The following RYR3 variants were observed in gnomAD, a reference collection of about 807,000 sequenced individuals.
RYR3 encodes the protein ryanodine receptor 3, also known as brain ryanodine receptor-calcium release channel.
A neutral mutation model predicts 584.3 loss-of-function variants in RYR3; 207 were observed. The ratio of observed to expected loss-of-function variants is 0.35; its 90% confidence interval spans 0.32 to 0.40. RYR3 has a LOEUF of 0.40. Among genes scored for constraint, RYR3 ranks in the 10% least tolerant of loss-of-function variants. RYR3 has a pLI of 1.00. For missense variants in RYR3, 5,616 were observed against 6,089.2 expected (o/e 0.92, Z 2.59); for synonymous variants, 2,416 against 2,248.5 (o/e 1.07, Z -2.11).
intron 1 of RYR3, among the ~76,000 whole-genome samples, chr15:33,339,121 G>T (rs1319285833): frequency 6.6e-6 from 1 of 152,192 alleles, no homozygotes; most frequent in Non-Finnish European, 1.5e-5. Context: ...AAAGGAAAAA[G>T]CGGACATTTT....
chr15:33,630,395 A>G (rs950098646), intron 22 of RYR3, among the ~76,000 whole-genome samples: 5 of 152,186 alleles, frequency 3.3e-5, no homozygotes, highest in Non-Finnish European at 7.4e-5. Flanking sequence ...ACTAAAATTC[A>G]ATTTTAAAAT....
At chr15:33,843,674 C>G in intron 92 of RYR3, 100 bp downstream of exon 92, 1 of 856,570 alleles carries the variant, frequency 1.2e-6, no homozygotes, top group Non-Finnish European at 1.8e-6. Context: ...TTAATTGTAG[C>G]AAACATTCTA....
intron 60 of RYR3, among the ~76,000 whole-genome samples, chr15:33,763,330 C>T (rs1396621249): frequency 6.6e-6 from 1 of 151,786 alleles, no homozygotes; most frequent in Non-Finnish European, 1.5e-5. Context: ...AGTGAACAGG[C>T]AACCTACAGA....
At chr15:33,843,831 A>G (rs778621857) in intron 92 of RYR3, among the ~76,000 whole-genome samples, 5 of 152,248 alleles carry the variant, frequency 3.3e-5, no homozygotes, top group Non-Finnish European at 7.3e-5. Context: ...ATACTTGCTG[A>G]GCATCTACCA....
At position 33,649,198 on chromosome 15, in the gene RYR3, G is replaced by C. The variant is rs1005825352; in HGVS notation, c.4105G>C (p.Val1369Leu). Residue 1369 changes from valine to leucine, a missense_variant, in exon 31 of 104, where the codon GTC (valine) becomes CTC (leucine). Around this residue, in one of 9 missense-constraint regions of RYR3, gnomAD observed 753 missense variants for 741.0 expected, o/e 1.02. Transcript: ENST00000634891. ...FDLNKNCTVTVTLGDERGRVH... is the reference protein window; with the variant it reads ...FDLNKNCTVTLTLGDERGRVH... ...CCTGAATAAAAACTGCACAGTGACT[G>C]TCACCCTAGGGGATGAAAGAGGCCG... The C allele has an allele frequency of 8.1e-6, 13 of 1,613,632 alleles. No homozygotes were observed. The highest frequency in any genetic ancestry group is 1.7e-4 in the Middle Eastern group (1 of 5,900).
intron 1 of RYR3, among the ~76,000 whole-genome samples, chr15:33,430,484 A>G (rs2045045242): frequency 6.6e-6 from 1 of 152,192 alleles, no homozygotes; most frequent in Non-Finnish European, 1.5e-5. Flanking sequence ...GGGTCAGCAG[A>G]AAGAATGTTA....
chr15:33,813,618 G>A (rs370526301), intron 74 of RYR3, 39 bp downstream of exon 74: 30 of 1,464,260 alleles, frequency 2.0e-5, no homozygotes, highest in Middle Eastern at 1.8e-4. Flanking sequence ...GTAAGCCAGC[G>A]ATGGGAATGG....
At chr15:33,496,521 T>C (rs1331692806) in intron 2 of RYR3, among the ~76,000 whole-genome samples, 2 of 152,074 alleles carry the variant, frequency 1.3e-5, no homozygotes, top group Non-Finnish European at 2.9e-5. Context: ...CTCTTTTTCT[T>C]TGAGGAGATG....
intron 12 of RYR3, among the ~76,000 whole-genome samples, chr15:33,570,137 AACTCTTT>A (rs1380952148): frequency 1.3e-5 from 2 of 152,108 alleles, no homozygotes; most frequent in Admixed American, 6.5e-5. Context: ...CATATCTAAG[AACTCTTT>A]ACCTTACTCA....
Position 33,623,863 on chromosome 15 carries a change from G to T in RYR3, c.2414G>T (p.Gly805Val), listed in dbSNP as rs747864553. 2 of 1,613,824 alleles carry T rather than the reference G, an allele frequency of 1.2e-6. No homozygotes were observed. ...GAGTTTAAGTTCCTGCCTCCCTCTG[G>T]CTATGCCCCTTGCTATGAAGCCTTA... ...HGEFKFLPPS[G>V]YAPCYEALLP... is the part of the protein sequence containing the mutation. Residue 805 changes from glycine to valine, a missense_variant, in exon 20 of 104, where the codon GGC (glycine) becomes GTC (valine). By Grantham distance (109) the Gly-to-Val change is moderately radical. Around this residue, in one of 9 missense-constraint regions of RYR3, gnomAD observed 1,284 missense variants for 1,344.6 expected, o/e 0.95. Transcript: ENST00000634891.
intron 12 of RYR3, among the ~76,000 whole-genome samples, chr15:33,577,977 G>C (rs1300454192): frequency 1.3e-5 from 2 of 152,164 alleles, no homozygotes; most frequent in African/African-American, 4.8e-5. Context: ...CTCAAAAGAA[G>C]ACATTTATGT....
chr15:33,424,555 T>C (rs1219493621), intron 1 of RYR3, among the ~76,000 whole-genome samples: 2 of 152,156 alleles, frequency 1.3e-5, no homozygotes, highest in African/African-American at 4.8e-5. Context: ...CAGATAAGCA[T>C]GTGACTGATA....
chr15:33,344,503 A>T (rs529180496), intron 1 of RYR3, among the ~76,000 whole-genome samples: 4 of 151,760 alleles, frequency 2.6e-5, no homozygotes, highest in South Asian at 2.1e-4. Context: ...ATATATATAT[A>T]TTTTTCCAGA....
At chr15:33,776,574 A>G (rs187831721) in intron 64 of RYR3, among the ~76,000 whole-genome samples, 352 of 152,270 alleles carry the variant, frequency 2.3e-3, no homozygotes, top group Non-Finnish European at 4.1e-3. Flanking sequence ...TTCTGATCAG[A>G]CATTGCACAA....
At chr15:33,487,581 AC>A (rs2050566867) in intron 2 of RYR3, among the ~76,000 whole-genome samples, 1 of 152,192 alleles carries the variant, frequency 6.6e-6, no homozygotes, top group Non-Finnish European at 1.5e-5. Context: ...AACAGAGTTC[AC>A]TAAGAATGTT....
intron 44 of RYR3, among the ~76,000 whole-genome samples, chr15:33,723,569 T>C (rs1249237740): frequency 6.6e-6 from 1 of 152,210 alleles, no homozygotes; most frequent in African/African-American, 2.4e-5. Flanking sequence ...AGAAACTCTT[T>C]AGACGGTTGG....
chr15:33,369,979 G>A (rs979836051), intron 1 of RYR3, among the ~76,000 whole-genome samples: 1 of 152,204 alleles, frequency 6.6e-6, no homozygotes, highest in South Asian at 2.1e-4. Context: ...CTAGCACATG[G>A]AAAATGCTCA....
chr15:33,624,392 T>C (rs2060879462), intron 20 of RYR3, among the ~76,000 whole-genome samples: 1 of 152,186 alleles, frequency 6.6e-6, no homozygotes, highest in Non-Finnish European at 1.5e-5. Flanking sequence ...AGAGAAATCC[T>C]TTAGGCTAGA....
chr15:33,829,062 A>T (rs1426662716), intron 85 of RYR3, among the ~76,000 whole-genome samples: 1 of 152,166 alleles, frequency 6.6e-6, no homozygotes, highest in Non-Finnish European at 1.5e-5. Flanking sequence ...GAATTATGGT[A>T]AATCTACTCT....
Sources: allele counts gnomAD v4.1 joint callset (sites outside exome capture counted in the v4.1 genomes callset), GRCh38; gene constraint gnomAD v4.1.1; regional missense constraint gnomAD v4.1.1; transcripts MANE v1.5; gene names NCBI Gene and HGNC (gene_info 2026-07-23, HGNC 2026-07-21).